Variants in SEMA3E observed in about 807,000 individuals in gnomAD.
SEMA3E encodes semaphorin-3E.
In SEMA3E, 49 loss-of-function variants were observed where a neutral mutation model predicts 93.6. The ratio of observed to expected loss-of-function variants is 0.52; its 90% CI spans 0.42 to 0.66. The LOEUF (loss-of-function observed/expected upper bound fraction) is 0.66. Among genes scored for constraint, SEMA3E ranks in the 30% least tolerant of loss-of-function variants. The pLI is 0.00. For missense variants in SEMA3E, 906 were observed against 964.8 expected, an observed-to-expected ratio of 0.94 and a Z score of 0.81; for synonymous variants, 363 against 330.7, an observed-to-expected ratio of 1.10 and a Z score of -1.06.
rs1037801308 is a variant in SEMA3E at position 83,573,714 on chromosome 7, C to T, written c.115+74714G>A. Among the ~76,000 whole-genome samples the T allele has an allele frequency of 5.3e-5, 8 of 151,920 alleles. 1 individual carries two copies. The highest frequency in any genetic ancestry group is 4.6e-4 in the Admixed American group (7 of 15,234). ...TCCTTGCCTTACCTTTTTAGGGTAACTACTAATCATAAATAGAGAAAGGTC... is the reference window on the plus strand; with the variant it reads ...TCCTTGCCTTACCTTTTTAGGGTAATTACTAATCATAAATAGAGAAAGGTC... On this transcript the variant is annotated intron_variant, in intron 1 of 16. Coordinates refer to ENST00000643230, the MANE Select transcript of SEMA3E (RefSeq NM_012431.3).
intron 2 of SEMA3E, among the ~76,000 whole-genome samples, chr7:83,485,886 A>T (rs899253101): frequency 1.3e-5 from 2 of 152,136 alleles, no homozygotes; most frequent in African/African-American, 4.8e-5. Flanking sequence ...TATGTTATGT[A>T]TATCCTTTTC....
At chr7:83,541,663 G>T (rs1270846853) in intron 1 of SEMA3E, among the ~76,000 whole-genome samples, 1 of 152,100 alleles carries the variant, frequency 6.6e-6, no homozygotes, top group Non-Finnish European at 1.5e-5. Context: ...GCAGATAGAA[G>T]AACTTTGGAC....
intron 5 of SEMA3E, among the ~76,000 whole-genome samples, chr7:83,413,984 A>G (rs770110337): frequency 3.3e-5 from 5 of 152,152 alleles, no homozygotes; most frequent in Admixed American, 6.6e-5. Context: ...AAGTATTCAA[A>G]TAGCTCCTCA....
chr7:83,645,889 T>C (rs1486847283), intron 1 of SEMA3E, among the ~76,000 whole-genome samples: 1 of 152,002 alleles, frequency 6.6e-6, no homozygotes, highest in Non-Finnish European at 1.5e-5. Flanking sequence ...TGAACATATT[T>C]TTATATAATT....
At chr7:83,511,464 T>C (rs1229453220) in intron 1 of SEMA3E, among the ~76,000 whole-genome samples, 1 of 152,160 alleles carries the variant, frequency 6.6e-6, no homozygotes. Context: ...TGAGGTGATC[T>C]ACTTCTTAAC....
chr7:83,593,881 T>C (rs1792812630), intron 1 of SEMA3E, among the ~76,000 whole-genome samples: 1 of 152,152 alleles, frequency 6.6e-6, no homozygotes. Flanking sequence ...ACATGTACTG[T>C]GTAACTGGAA....
chr7:83,469,342 T>C, intron 2 of SEMA3E, 40 bp from the exon 3 acceptor site: 1 of 1,388,298 alleles, frequency 7.2e-7, no homozygotes, highest in Admixed American at 1.7e-5. Flanking sequence ...CAACTGCATA[T>C]AAAAATAAAC....
intron 4 of SEMA3E, among the ~76,000 whole-genome samples, chr7:83,454,272 A>AAAATATATATATATAT (rs1257792756): frequency 9.1e-6 from 1 of 110,136 alleles, no homozygotes; most frequent in African/African-American, 4.3e-5. Context: ...AAAAAAAAAA[A>AAAATATATATATATAT]ATATATATAT....
intron 1 of SEMA3E, among the ~76,000 whole-genome samples, chr7:83,622,778 G>C (rs1199102246): frequency 6.6e-6 from 1 of 152,150 alleles, no homozygotes; most frequent in Non-Finnish European, 1.5e-5. Context: ...GGAACTGAAA[G>C]ATGAGAACAC....
At chr7:83,608,662 TCTA>T (rs1284440433) in intron 1 of SEMA3E, among the ~76,000 whole-genome samples, 2 of 152,110 alleles carry the variant, frequency 1.3e-5, no homozygotes, top group African/African-American at 4.8e-5. Flanking sequence ...TCTTTGTGGG[TCTA>T]GAAGCACTAT....
intron 1 of SEMA3E, among the ~76,000 whole-genome samples, chr7:83,593,585 T>C: frequency 6.6e-6 from 1 of 151,964 alleles, no homozygotes; most frequent in East Asian, 1.9e-4. Flanking sequence ...CTATAAACCC[T>C]GGGCTTTATA....
chr7:83,394,909 T>C (rs944733287), intron 12 of SEMA3E, among the ~76,000 whole-genome samples: 2 of 152,108 alleles, frequency 1.3e-5, no homozygotes, highest in African/African-American at 2.4e-5. Context: ...GGAACCAACA[T>C]GTTGTTTTTG....
chr7:83,539,302 C>G (rs2115755777), intron 1 of SEMA3E, among the ~76,000 whole-genome samples: 1 of 152,256 alleles, frequency 6.6e-6, no homozygotes, highest in East Asian at 1.9e-4. Flanking sequence ...CTTGGTATCC[C>G]CGAGTCAGTC....
chr7:83,611,286 TTAAATTTATATATTATATATA>T (rs1455931865), intron 1 of SEMA3E, among the ~76,000 whole-genome samples: 2 of 142,940 alleles, frequency 1.4e-5, no homozygotes, highest in Admixed American at 7.2e-5. Flanking sequence ...ATATTATATA[TTAAATTTATATATTATATATA>T]TAAATTTATG....
chr7:83,588,813 G>A (rs764105691), intron 1 of SEMA3E, among the ~76,000 whole-genome samples: 22 of 152,094 alleles, frequency 1.4e-4, no homozygotes, highest in East Asian at 3.9e-4. Context: ...TACCCAGAGC[G>A]CAACTGTATA....
At position 83,423,756 on chromosome 7, in the gene SEMA3E, C is replaced by T. The variant is rs551783684; in HGVS notation, c.457-5273G>A. Among the ~76,000 whole-genome samples, 627 of 152,040 alleles carry T rather than the reference C, an allele frequency of 4.1e-3. 7 individuals carry two copies. Among genetic ancestry groups the T allele is most frequent in the African/African-American group, 0.014 (566 of 41,482 alleles). On this transcript the variant is annotated intron_variant, in intron 4 of 16. Coordinates refer to ENST00000643230, the MANE Select transcript of SEMA3E (RefSeq NM_012431.3). ...CCGATCTCCTGACCTCGTGATCCCC[C>T]TGCCTTGGCCTCCCAAAGTGCTGGG...
At chr7:83,375,721 T>C (rs1794813518) in intron 16 of SEMA3E, among the ~76,000 whole-genome samples, 1 of 152,064 alleles carries the variant, frequency 6.6e-6, no homozygotes, top group South Asian at 2.1e-4. Context: ...GGCATGAGAC[T>C]TAGATCCATA....
chr7:83,472,381 A>C (rs1247379400), intron 2 of SEMA3E, among the ~76,000 whole-genome samples: 1 of 151,610 alleles, frequency 6.6e-6, no homozygotes, highest in East Asian at 2.0e-4. Flanking sequence ...CCCACACTGC[A>C]ATAAATATAT....
At chr7:83,411,130 G>A (rs940331795) in intron 5 of SEMA3E, among the ~76,000 whole-genome samples, 6 of 151,894 alleles carry the variant, frequency 4.0e-5, no homozygotes, top group African/African-American at 1.2e-4. Flanking sequence ...CAAAATTATC[G>A]TTTTAACCAA....
Sources: gnomAD v4.1 joint callset for allele counts (sites outside exome capture counted in the v4.1 genomes callset) on GRCh38, gnomAD v4.1.1 for gene constraint, MANE v1.5 for transcripts, NCBI Gene and HGNC (gene_info 2026-07-23, HGNC 2026-07-21) for gene names.